The following DHRS12 variants were observed in gnomAD, a reference collection of about 807,000 sequenced individuals.
DHRS12 encodes the protein dehydrogenase/reductase SDR family member 12.
Under a neutral mutation model 32.1 loss-of-function variants are expected in DHRS12, and 29 were observed. That is an observed-to-expected ratio of 0.90 (90% CI 0.67 to 1.23). The LOEUF is 1.23. DHRS12 is among the 50% of genes most tolerant of loss of function. DHRS12 has a pLI of 0.00. For synonymous variants in DHRS12, 150 were observed against 135.9 expected (o/e 1.10, Z -0.72); for missense variants, 330 against 337.2 (o/e 0.98, Z 0.17).
chr13:51,786,616 G>C (rs1003107214), intron 4 of DHRS12, among the ~76,000 whole-genome samples: 1 of 152,170 alleles, frequency 6.6e-6, no homozygotes, highest in African/African-American at 2.4e-5. Flanking sequence ...CCCCGCAAAA[G>C]GCTAAGAATT....
At chr13:51,788,007 G>A (rs904978713) in intron 4 of DHRS12, among the ~76,000 whole-genome samples, 1 of 148,506 alleles carries the variant, frequency 6.7e-6, no homozygotes, top group African/African-American at 2.5e-5. Flanking sequence ...ACACTTAGCA[G>A]AATTTTGTCA....
chr13:51,799,709 G>T, intron 1 of DHRS12, 42 bp from the exon 2 acceptor site: 1 of 1,605,378 alleles, frequency 6.2e-7, no homozygotes. Context: ...TGTAAGGAGT[G>T]GGGAACACAA....
At chr13:51,767,133 T>C (rs1299961526), downstream of DHRS12, 1 of 152,388 alleles carries the variant, frequency 6.6e-6, no homozygotes, top group East Asian at 1.9e-4. Context: ...GTGAGGTTCA[T>C]TTTATGGAGA....
At chr13:51,759,657 A>G in the DHRS12 span, 3 of 1,385,646 alleles carry the variant, frequency 2.2e-6, no homozygotes, top group Admixed American at 5.5e-5. Flanking sequence ...AATGAAAAAA[A>G]TTTCCTTGAA....
At chr13:51,768,436 C>G (rs1953851799) in intron 8 of DHRS12, 140 bp from the exon 9 acceptor site, 1 of 1,461,478 alleles carries the variant, frequency 6.8e-7, no homozygotes, top group South Asian at 1.4e-5. Context: ...TCCCTGCTGT[C>G]AAAGGTCCCA....
At chr13:51,758,132 A>T in the DHRS12 span, 34 of 1,279,578 alleles carry the variant, frequency 2.7e-5, no homozygotes, top group Non-Finnish European at 3.6e-5. Flanking sequence ...GTCATCCTAG[A>T]TCTCTCTCAT....
chr13:51,801,221 C>T (rs1248532482), intron 1 of DHRS12, among the ~76,000 whole-genome samples: 1 of 152,216 alleles, frequency 6.6e-6, no homozygotes, highest in Non-Finnish European at 1.5e-5. Context: ...GAGTCCCACC[C>T]TGTCGCCCAG....
rs558644418 is a variant in DHRS12 at position 51,791,097 on chromosome 13, T to A, written c.219+68A>T. ...AAAGACAGGCAAACATACATATCCG[T>A]CCACATCCACAGACGGAAACAATGG... On this transcript the variant is annotated intron_variant, in intron 3 of 8. Coordinates refer to ENST00000444610, the MANE Select transcript of DHRS12 (RefSeq NM_001377533.1). The A allele has an allele frequency of 1.2e-3, 1,347 of 1,125,460 alleles. 6 individuals are homozygous for A. The highest frequency in any genetic ancestry group is 1.4e-3 in the Non-Finnish European group (1,104 of 781,522). The allele number at this position is 1,125,460 out of a possible 1,614,324, so 69.7% of individuals were successfully genotyped here.
chr13:51,768,825 C>A, intron 8 of DHRS12: 1 of 1,296,792 alleles, frequency 7.7e-7, no homozygotes, highest in Non-Finnish European at 9.8e-7. Context: ...CCGTTACTCC[C>A]TTTGCAGTGC....
intron 4 of DHRS12, among the ~76,000 whole-genome samples, chr13:51,784,150 C>A (rs1379697486): frequency 6.6e-6 from 1 of 152,160 alleles, no homozygotes; most frequent in African/African-American, 2.4e-5. Flanking sequence ...CTCAGTGCAG[C>A]CAGTGTGACT....
At chr13:51,791,468 C>T (rs993757940) in intron 2 of DHRS12, among the ~76,000 whole-genome samples, 4 of 151,628 alleles carry the variant, frequency 2.6e-5, no homozygotes, top group African/African-American at 7.3e-5. Context: ...ATATACAATA[C>T]ATATATTTTA....
In DHRS12 at chr13:51,785,017, C is replaced by T. The variant is rs186776722; in HGVS notation, c.301+4994G>A. Among the ~76,000 whole-genome samples the T allele has an allele frequency of 6.0e-4, 91 of 152,320 alleles. 1 individual carries two copies. The East Asian group carries it at 0.015, about 26-fold the overall frequency. ...CCAAGGCAGGTGGATCACCTGAAGTCAGGAGTTCAAGACCAGCCTGACCAA... is the reference window on the plus strand; with the variant it reads ...CCAAGGCAGGTGGATCACCTGAAGTTAGGAGTTCAAGACCAGCCTGACCAA... On this transcript the variant is annotated intron_variant, in intron 4 of 8. Coordinates refer to ENST00000444610, the MANE Select transcript of DHRS12 (RefSeq NM_001377533.1).
intron 8 of DHRS12, 148 bp downstream of exon 8, chr13:51,769,008 G>A (rs1953882998): frequency 1.4e-6 from 2 of 1,432,082 alleles, no homozygotes; most frequent in Non-Finnish European, 1.8e-6. Flanking sequence ...ACCTCAGCAG[G>A]CAAAGCAATC....
Position 51,791,167 on chromosome 13 carries a change from G to T in DHRS12, c.217C>A (p.Leu73Met). 6.4e-7 allele frequency: 1 copy of T among 1,570,804 alleles called. No homozygotes were observed. Among genetic ancestry groups the T allele is most frequent in the South Asian group, 1.2e-5 (1 of 83,960 alleles). ...CCACTTATGTTTACAAAGCTCACCA[G>T]AACATGGAGTTTATGTTCCTGCTTG... ...NFKQEHKLHV[L>M]INNAGCMVNK... Residue 73 changes from leucine (L) to methionine (M), a missense_variant and splice_region_variant, in exon 3 of 9, where the codon CTG (leucine) becomes ATG (methionine). Coordinates refer to ENST00000444610, the MANE Select transcript of DHRS12 (RefSeq NM_001377533.1).
chr13:51,795,460 T>C (rs1220200081), intron 2 of DHRS12, among the ~76,000 whole-genome samples: 5 of 152,236 alleles, frequency 3.3e-5, no homozygotes, highest in African/African-American at 7.2e-5. Flanking sequence ...TGTTTGTTCT[T>C]AGGATACCCT....
intron 8 of DHRS12, 81 bp downstream of exon 8, chr13:51,769,075 G>A (rs982693064): frequency 1.9e-6 from 3 of 1,539,474 alleles, no homozygotes; most frequent in African/African-American, 1.4e-5. Flanking sequence ...CAGGTTTCAC[G>A]GAGGGGAAGG....
At chr13:51,797,595 T>C (rs1033195878) in intron 2 of DHRS12, among the ~76,000 whole-genome samples, 1 of 152,184 alleles carries the variant, frequency 6.6e-6, no homozygotes, top group African/African-American at 2.4e-5. Flanking sequence ...TCTGCTGGTT[T>C]CACAGGCAGC....
In DHRS12 at chr13:51,768,208, C is replaced by G. The variant is rs1305283185; in HGVS notation, c.786G>C (p.Gln262His). 3 of 1,536,156 alleles carry G rather than the reference C, an allele frequency of 2.0e-6. No homozygotes were observed. Among genetic ancestry groups the G allele is most frequent in the Non-Finnish European group, 2.6e-6 (3 of 1,146,922 alleles). The stretch of plus-strand genomic sequence containing the variant: ...TGGCCTATTTAAATGTCTGAGCCAG[C>G]TGTTCCAGGATTTCAATGAGTTTCT... ...EEEKLIEILE[Q>H]LAQTFK is the part of the protein sequence containing the mutation. The change falls in exon 9 of 9, where the codon CAG becomes CAC. Residue 262 changes from glutamine (Q) to histidine (H), a missense_variant. Physicochemically the swap from Gln to His is conservative, Grantham distance 24. Coordinates refer to ENST00000444610, the MANE Select transcript of DHRS12 (RefSeq NM_001377533.1).
At chr13:51,800,471 G>A (rs1420043413) in intron 1 of DHRS12, among the ~76,000 whole-genome samples, 3 of 152,258 alleles carry the variant, frequency 2.0e-5, no homozygotes, top group Non-Finnish European at 4.4e-5. Flanking sequence ...GTTGGCAGGT[G>A]GAGGCCCAGA....
Sources: gnomAD v4.1 joint callset for allele counts (sites outside exome capture counted in the v4.1 genomes callset) on GRCh38, gnomAD v4.1.1 for gene constraint, MANE v1.5 for transcripts, NCBI Gene and HGNC (gene_info 2026-07-23, HGNC 2026-07-21) for gene names.